The following MATN2 variants were observed in gnomAD, a reference collection of about 807,000 sequenced individuals.
MATN2 encodes matrilin 2, also known as matrilin-2.
MATN2 carries 69 observed loss-of-function variants against 103.2 expected under a neutral mutation model. The ratio of observed to expected loss-of-function variants is 0.67; its 90% CI spans 0.55 to 0.82. The LOEUF (loss-of-function observed/expected upper bound fraction) is 0.82. MATN2 is among the 40% of genes least tolerant of loss of function. MATN2 has a pLI of 0.00. For synonymous variants in MATN2, 429 were observed against 450.2 expected (o/e 0.95, Z 0.60); for missense variants, 1,023 against 1,211.5 (o/e 0.84, Z 2.31).
In MATN2 at chr8:97,931,559, C is replaced by T. The variant is rs1220468626; in HGVS notation, c.712+37C>T. The T allele has an allele frequency of 6.6e-7, 1 of 1,518,080 alleles. No individual in the cohort carries two copies. The highest frequency in any genetic ancestry group is 8.9e-7 in the Non-Finnish European group (1 of 1,127,782). 94.0% of individuals were successfully genotyped at this position (1,518,080 alleles called of 1,614,324 possible). ...TCCTTTGTCACTCTTCTAGAGGAAC[C>T]ACTAGAATTCATTCATTCATCTTCA... On this transcript the variant is annotated intron_variant, in intron 3 of 18. Coordinates refer to ENST00000254898, the MANE Select transcript of MATN2 (RefSeq NM_002380.5). This position sits in a 1 kb window ranked among gnomAD's most constrained non-coding sequence, Gnocchi z 4.1.
At chr8:97,896,829 C>T (rs561218246) in intron 2 of MATN2, among the ~76,000 whole-genome samples, 2 of 149,434 alleles carry the variant, frequency 1.3e-5, no homozygotes, top group East Asian at 2.0e-4. Context: ...CACAACAGGG[C>T]TGGGCAGTGG....
intron 1 of MATN2, among the ~76,000 whole-genome samples, chr8:97,887,182 A>C (rs1171995067): frequency 6.6e-6 from 1 of 151,984 alleles, no homozygotes; most frequent in Non-Finnish European, 1.5e-5. Context: ...GTGAGTCACC[A>C]CACCTGGACT....
intron 6 of MATN2, among the ~76,000 whole-genome samples, chr8:97,984,232 G>A (rs1024574578): frequency 2.6e-5 from 4 of 152,182 alleles, no homozygotes; most frequent in African/African-American, 9.7e-5. Flanking sequence ...ATACCCCATG[G>A]TAGTTCATTC....
intron 2 of MATN2, among the ~76,000 whole-genome samples, chr8:97,912,177 A>G (rs1015507346): frequency 1.6e-4 from 24 of 152,180 alleles, no homozygotes; most frequent in Admixed American, 1.3e-3. Flanking sequence ...AAATTTGCAG[A>G]CCCTAAATGC....
intron 2 of MATN2, among the ~76,000 whole-genome samples, chr8:97,901,135 C>G (rs920192366): frequency 6.6e-6 from 1 of 152,138 alleles, no homozygotes; most frequent in African/African-American, 2.4e-5. Context: ...CCGAAGCAGG[C>G]CTCTCCATTC....
chr8:97,871,502 G>T (rs1206934383), intron 1 of MATN2, among the ~76,000 whole-genome samples: 1 of 152,248 alleles, frequency 6.6e-6, no homozygotes, highest in Non-Finnish European at 1.5e-5. Flanking sequence ...ACTGCCCTCT[G>T]ATCTGTAGCA....
At chr8:97,911,995 G>A (rs1231093315) in intron 2 of MATN2, among the ~76,000 whole-genome samples, 6 of 152,172 alleles carry the variant, frequency 3.9e-5, no homozygotes, top group Non-Finnish European at 4.4e-5. Context: ...CCCATCTTGC[G>A]GAAGAGGAAA....
At chr8:97,925,214 A>T (rs1809952626) in intron 2 of MATN2, among the ~76,000 whole-genome samples, 1 of 152,110 alleles carries the variant, frequency 6.6e-6, no homozygotes, top group African/African-American at 2.4e-5. Flanking sequence ...CAGTTTGAAC[A>T]CTCAGTAGTG....
chr8:98,004,681 G>A (rs1040459494), intron 8 of MATN2, among the ~76,000 whole-genome samples: 3 of 152,222 alleles, frequency 2.0e-5, no homozygotes, highest in Admixed American at 6.5e-5. Flanking sequence ...ACAAGAGGCC[G>A]GAGGGGACAG....
intron 2 of MATN2, among the ~76,000 whole-genome samples, chr8:97,903,225 C>T (rs1819046855): frequency 6.6e-6 from 1 of 151,006 alleles, no homozygotes; most frequent in Non-Finnish European, 1.5e-5. Flanking sequence ...GGAACACACA[C>T]ATGCACGCCT....
rs1010926786 is a variant in MATN2, at chr8:98,020,248, C to T, written c.1820-957C>T. Among the ~76,000 whole-genome samples the T allele has an allele frequency of 5.9e-5, 9 of 152,314 alleles. No individual in the cohort carries two copies. The East Asian group carries it at 1.4e-3, about 23-fold the overall frequency. ...GTAATCTCCACCTCCTGGGCTCAAG[C>T]GATCTTCCCACCTCAGCCTCCTGAG... On this transcript the variant is annotated intron_variant, in intron 12 of 18. Transcript: ENST00000254898.
intron 6 of MATN2, among the ~76,000 whole-genome samples, chr8:97,980,558 CTTTTTTT>C (rs71570278): frequency 0.028 from 2,661 of 94,130 alleles, 52 homozygotes; most frequent in African/African-American, 0.07. Flanking sequence ...TTATTCTTTC[CTTTTTTT>C]TTTTTTTTTT....
At chr8:97,967,229 C>G (rs1811512498) in intron 5 of MATN2, among the ~76,000 whole-genome samples, 1 of 152,230 alleles carries the variant, frequency 6.6e-6, no homozygotes, top group South Asian at 2.1e-4. Context: ...GTTTCAACAT[C>G]AGATTTGGAG....
intron 2 of MATN2, among the ~76,000 whole-genome samples, chr8:97,920,855 G>A (rs1223527902): frequency 2.0e-5 from 3 of 152,160 alleles, no homozygotes; most frequent in Non-Finnish European, 4.4e-5. Flanking sequence ...TTGGGGTGCT[G>A]TGTCAAGAGG....
intron 3 of MATN2, among the ~76,000 whole-genome samples, 184 bp from the exon 4 acceptor site, chr8:97,941,593 G>A (rs757215805): frequency 6.6e-6 from 1 of 152,078 alleles, no homozygotes; most frequent in Non-Finnish European, 1.5e-5. Context: ...GATTTTCCAT[G>A]GCCCTTTATC....
chr8:97,898,584 T>G, intron 2 of MATN2, among the ~76,000 whole-genome samples: 2 of 131,898 alleles, frequency 1.5e-5, no homozygotes, highest in African/African-American at 2.9e-5. Flanking sequence ...GCAACAAGAG[T>G]GAAACTCCTT....
intron 1 of MATN2, among the ~76,000 whole-genome samples, chr8:97,886,740 T>A (rs1482646920): frequency 6.6e-6 from 1 of 151,930 alleles, no homozygotes; most frequent in Non-Finnish European, 1.5e-5. Context: ...TTTTTTTAAG[T>A]TTTGAAACAT....
At chr8:97,971,865 G>A (rs964115139) in intron 5 of MATN2, among the ~76,000 whole-genome samples, 1 of 150,170 alleles carries the variant, frequency 6.7e-6, no homozygotes, top group South Asian at 2.1e-4. Context: ...CCCATTGACT[G>A]GTTTTTAAAT....
intron 2 of MATN2, among the ~76,000 whole-genome samples, chr8:97,906,573 A>G (rs1819177892): frequency 6.6e-6 from 1 of 152,204 alleles, no homozygotes; most frequent in South Asian, 2.1e-4. Flanking sequence ...TGAGGCCAGC[A>G]CCAGACACAG....
Sources: allele counts gnomAD v4.1 joint callset (sites outside exome capture counted in the v4.1 genomes callset), GRCh38; gene constraint gnomAD v4.1.1; non-coding constraint Gnocchi (gnomAD v3.1); transcripts MANE v1.5; gene names NCBI Gene and HGNC (gene_info 2026-07-23, HGNC 2026-07-21).